TSHZ2: variants seen among roughly 807,000 people sequenced by gnomAD.
The protein encoded by TSHZ2 is teashirt zinc finger homeobox 2.
A neutral mutation model predicts 74.4 loss-of-function variants in TSHZ2; 21 were observed. That is an observed-to-expected ratio of 0.28 (90% confidence interval 0.20 to 0.41). The LOEUF is 0.41. Ranked by LOEUF, TSHZ2 falls within the 10% of genes least tolerant of loss-of-function variation. TSHZ2 has a pLI of 1.00. For missense variants in TSHZ2, 1,244 were observed against 1,293.5 expected (o/e 0.96, Z 0.59); for synonymous variants, 540 against 515.3 (o/e 1.05, Z -0.65).
intron 2 of TSHZ2, among the ~76,000 whole-genome samples, chr20:53,378,784 C>G (rs1568892074): frequency 1.3e-5 from 2 of 151,934 alleles, no homozygotes; most frequent in Admixed American, 6.6e-5. Context: ...TGTTACCTTA[C>G]AGATGTTGCT....
At chr20:53,354,122 G>A (rs1357391151) in intron 2 of TSHZ2, among the ~76,000 whole-genome samples, 3 of 152,216 alleles carry the variant, frequency 2.0e-5, no homozygotes, top group African/African-American at 7.2e-5. Context: ...CCCTAACATG[G>A]TAGAAGGCAA....
chr20:53,179,202 GTTTC>G (rs1410545713), intron 1 of TSHZ2: 7 of 151,340 alleles, frequency 4.6e-5, no homozygotes, highest in African/African-American at 7.3e-5. Context: ...TCATTTGAGT[GTTTC>G]TTTCTCATTT....
intron 1 of TSHZ2, among the ~76,000 whole-genome samples, chr20:52,975,600 T>C (rs1339988725): frequency 6.6e-6 from 1 of 152,096 alleles, no homozygotes; most frequent in Non-Finnish European, 1.5e-5. Flanking sequence ...TGTCTTTGTA[T>C]GTTTGTTTTG....
At chr20:53,236,614 A>G (rs769637813) in intron 1 of TSHZ2, among the ~76,000 whole-genome samples, 2 of 152,214 alleles carry the variant, frequency 1.3e-5, no homozygotes, top group African/African-American at 2.4e-5. Context: ...GCTAGATTCA[A>G]TCAGTTTCTG....
intron 2 of TSHZ2, among the ~76,000 whole-genome samples, chr20:53,393,113 C>T (rs773866221): frequency 2.0e-5 from 3 of 152,172 alleles, no homozygotes; most frequent in Non-Finnish European, 4.4e-5. Flanking sequence ...TACAGGCAAG[C>T]CACCACACCT....
At chr20:53,110,988 GT>G (rs1463964249) in intron 1 of TSHZ2, among the ~76,000 whole-genome samples, 2 of 152,204 alleles carry the variant, frequency 1.3e-5, no homozygotes, top group Non-Finnish European at 2.9e-5. Flanking sequence ...CTAAATGGCA[GT>G]TTCAGAAGTC....
chr20:53,175,131 CTTTTTTTTTTTTTTTT>C (rs750453219), intron 1 of TSHZ2, among the ~76,000 whole-genome samples: 32 of 63,646 alleles, frequency 5.0e-4, no homozygotes, highest in African/African-American at 1.5e-3. Context: ...CTTCTTCTTT[CTTTTTTTTTTTTTTTT>C]TTTTTTTTTT....
rs184273030 is a variant in TSHZ2 at position 53,049,501 on chromosome 20, G to C, written c.40+76168G>C. Among the ~76,000 whole-genome samples the C allele has an allele frequency of 4.7e-3, 708 of 152,208 alleles. 5 individuals carry two copies. The highest frequency in any genetic ancestry group is 0.016 in the African/African-American group (685 of 41,528). On this transcript the variant is annotated intron_variant, in intron 1 of 2. Coordinates refer to ENST00000371497, the MANE Select transcript of TSHZ2 (RefSeq NM_173485.6). The stretch of plus-strand genomic sequence containing the variant: ...GGCACATCCCATCCCCAGTGACGTA[G>C]GGAGTCTTAGTTTATCTTTAATTTG...
intron 1 of TSHZ2, among the ~76,000 whole-genome samples, chr20:53,171,840 G>A (rs1426496462): frequency 1.3e-5 from 2 of 152,018 alleles, no homozygotes; most frequent in Admixed American, 6.6e-5. Flanking sequence ...AAGGAAGAAA[G>A]GTATTGTTAC....
At chr20:53,383,471 T>C (rs549053255) in intron 2 of TSHZ2, among the ~76,000 whole-genome samples, 2 of 152,048 alleles carry the variant, frequency 1.3e-5, no homozygotes, top group African/African-American at 4.8e-5. Flanking sequence ...ATTTAATTGT[T>C]ATTAAGGGCC....
chr20:53,122,588 G>A (rs944360817), intron 1 of TSHZ2, among the ~76,000 whole-genome samples: 2 of 152,126 alleles, frequency 1.3e-5, no homozygotes, highest in Admixed American at 1.3e-4. Flanking sequence ...GAGGGAAGAG[G>A]GGGCAGCTCT....
At chr20:53,429,449 G>T (rs1328925777) in intron 2 of TSHZ2, among the ~76,000 whole-genome samples, 1 of 152,184 alleles carries the variant, frequency 6.6e-6, no homozygotes, top group African/African-American at 2.4e-5. Context: ...TGCTGTTCTC[G>T]TGATAGTGAA....
At chr20:53,311,829 C>A (rs1163807309) in intron 2 of TSHZ2, among the ~76,000 whole-genome samples, 1 of 152,306 alleles carries the variant, frequency 6.6e-6, no homozygotes, top group East Asian at 1.9e-4. Context: ...CACCTGTAAT[C>A]CCAACACTTT....
chr20:53,017,991 G>C (rs1053553761), intron 1 of TSHZ2, among the ~76,000 whole-genome samples: 9 of 152,198 alleles, frequency 5.9e-5, no homozygotes, highest in African/African-American at 2.2e-4. Flanking sequence ...ATGCAATGCA[G>C]TGAAAGAGAC....
intron 2 of TSHZ2, among the ~76,000 whole-genome samples, chr20:53,284,299 C>T (rs1178408284): frequency 6.6e-6 from 1 of 152,104 alleles, no homozygotes; most frequent in Admixed American, 6.5e-5. Flanking sequence ...GCTGTCTGTT[C>T]GTGCATAGTT....
At chr20:53,309,897 T>C (rs140257499) in intron 2 of TSHZ2, among the ~76,000 whole-genome samples, 1 of 152,330 alleles carries the variant, frequency 6.6e-6, no homozygotes, top group Non-Finnish European at 1.5e-5. Flanking sequence ...GGGCTCATGA[T>C]CAAATGAGTA....
chr20:53,330,478 G>C (rs1357547020), intron 2 of TSHZ2, among the ~76,000 whole-genome samples: 3 of 152,122 alleles, frequency 2.0e-5, no homozygotes, highest in Non-Finnish European at 4.4e-5. Flanking sequence ...ACGTGAATAC[G>C]GTTAGTGCAG....
intron 2 of TSHZ2, among the ~76,000 whole-genome samples, chr20:53,300,500 T>G (rs917187505): frequency 6.6e-6 from 1 of 152,232 alleles, no homozygotes; most frequent in Middle Eastern, 3.2e-3. Flanking sequence ...TTTGAAGGGT[T>G]AGTATTTTCT....
chr20:52,994,391 C>CGGATGGAT (rs796839747), intron 1 of TSHZ2, among the ~76,000 whole-genome samples: 2 of 150,678 alleles, frequency 1.3e-5, no homozygotes, highest in African/African-American at 4.9e-5. Context: ...GATGGATAAA[C>CGGATGGAT]GGATGGATGG....
Sources: allele counts gnomAD v4.1 joint callset (sites outside exome capture counted in the v4.1 genomes callset), GRCh38; gene constraint gnomAD v4.1.1; transcripts MANE v1.5; gene names NCBI Gene and HGNC (gene_info 2026-07-23, HGNC 2026-07-21).